Variants in PACRG observed in about 807,000 individuals in gnomAD.
PACRG encodes parkin coregulated gene protein.
PACRG carries 29 observed loss-of-function variants against 29.7 expected under a neutral mutation model. The observed-to-expected ratio is 0.98, with a 90% CI of 0.73 to 1.33. The LOEUF is 1.33. PACRG is among the 40% of genes most tolerant of loss of function. PACRG has a pLI of 0.00. For synonymous variants in PACRG, 116 were observed against 118.7 expected (o/e 0.98, Z 0.15); for missense variants, 279 against 316.2 (o/e 0.88, Z 0.89).
intron 4 of PACRG, among the ~76,000 whole-genome samples, chr6:163,162,579 A>C (rs1409320778): frequency 1.3e-5 from 2 of 152,202 alleles, no homozygotes; most frequent in African/African-American, 4.8e-5. Context: ...AGAGTGGTAA[A>C]TGCTTGCCCA....
chr6:163,093,893 T>C (rs1013943831), intron 4 of PACRG, among the ~76,000 whole-genome samples: 5 of 152,214 alleles, frequency 3.3e-5, no homozygotes, highest in African/African-American at 9.6e-5. Flanking sequence ...GGAATGAGGA[T>C]GCCTGAAGTT....
intron 2 of PACRG, among the ~76,000 whole-genome samples, chr6:162,976,118 A>G (rs1394128363): frequency 1.3e-5 from 2 of 152,176 alleles, no homozygotes; most frequent in African/African-American, 4.8e-5. Flanking sequence ...TGAAACCCGG[A>G]GGCCGTGAGT....
rs1163390026 is a variant in PACRG, at chr6:162,994,820, C to T, written c.292-67330C>T. ...CCTTTGGAGGAGGAGAGGCGCTCTGCGTTTTAGAGTTTCCCGTTTTTCTGT... is the reference window on the plus strand; with the variant it reads ...CCTTTGGAGGAGGAGAGGCGCTCTGTGTTTTAGAGTTTCCCGTTTTTCTGT... On this transcript the variant is annotated intron_variant, in intron 2 of 4. Transcript: ENST00000366888. Among the ~76,000 whole-genome samples the T allele has an allele frequency of 7.9e-5, 12 of 151,248 alleles. No individual in the cohort carries two copies. The East Asian group carries it at 1.4e-3, about 17-fold the overall frequency.
At position 162,782,228 on chromosome 6, in the gene PACRG, T is replaced by C. The variant is rs186670147; in HGVS notation, c.157-31919T>C. ...AAGAAGATGTAACAATTCTAAATAC[T>C]AAGCAGAAACTGACACAATTTCATG... On this transcript the variant is annotated intron_variant, in intron 1 of 4. Transcript: ENST00000366888. Among the ~76,000 whole-genome samples, 531 of 151,996 alleles carry C rather than the reference T, an allele frequency of 3.5e-3. 3 individuals are homozygous for C. The highest frequency in any genetic ancestry group is 0.012 in the African/African-American group (498 of 41,550).
intron 2 of PACRG, among the ~76,000 whole-genome samples, chr6:162,958,868 TATATATATATATATATAGAGAGAG>T (rs1336337526): frequency 1.2e-3 from 89 of 72,710 alleles, no homozygotes; most frequent in South Asian, 6.3e-3. Context: ...TATATATATA[TATATATATATATATATAGAGAGAG>T]AGAGAGAGAG....
chr6:163,032,762 G>A (rs1178412698), intron 2 of PACRG, among the ~76,000 whole-genome samples: 1 of 152,122 alleles, frequency 6.6e-6, no homozygotes, highest in Non-Finnish European at 1.5e-5. Flanking sequence ...ATTGATGTCA[G>A]ACCCAATTCT....
At chr6:163,241,641 A>G (rs981826883) in intron 4 of PACRG, among the ~76,000 whole-genome samples, 3 of 152,188 alleles carry the variant, frequency 2.0e-5, no homozygotes, top group African/African-American at 7.2e-5. Context: ...CAGAGCTGGG[A>G]GCCACTCTAC....
chr6:163,095,239 G>C (rs1034683140), intron 4 of PACRG: 1 of 983,978 alleles, frequency 1.0e-6, no homozygotes, highest in African/African-American at 1.7e-5. Flanking sequence ...CTACATTTGA[G>C]TCTATTTTCA....
At chr6:162,735,191 C>T (rs929007513) in intron 1 of PACRG, among the ~76,000 whole-genome samples, 10 of 152,176 alleles carry the variant, frequency 6.6e-5, no homozygotes, top group African/African-American at 2.4e-4. Context: ...TTACAAATAG[C>T]ACTGCTAGGA....
At chr6:162,780,274 G>C (rs1405357296) in intron 1 of PACRG, among the ~76,000 whole-genome samples, 1 of 152,102 alleles carries the variant, frequency 6.6e-6, no homozygotes, top group African/African-American at 2.4e-5. Flanking sequence ...CACTAAGAGG[G>C]AAAAATGAAC....
At chr6:163,041,812 AGC>A (rs766270008) in intron 2 of PACRG, among the ~76,000 whole-genome samples, 15 of 152,346 alleles carry the variant, frequency 9.8e-5, no homozygotes, top group Non-Finnish European at 1.9e-4. Flanking sequence ...GATTTTAAGT[AGC>A]AAATCAAGCA....
intron 3 of PACRG, among the ~76,000 whole-genome samples, chr6:163,064,017 A>G (rs1016774242): frequency 6.6e-6 from 1 of 152,200 alleles, no homozygotes; most frequent in East Asian, 1.9e-4. Flanking sequence ...AAAGGCCCAG[A>G]ATATTCTCCG....
intron 4 of PACRG, among the ~76,000 whole-genome samples, chr6:163,173,386 C>T (rs1779181539): frequency 6.6e-6 from 1 of 152,154 alleles, no homozygotes; most frequent in Non-Finnish European, 1.5e-5. Flanking sequence ...AACAGTGGCT[C>T]CTTGGGGTAG....
chr6:162,924,325 C>G lies in PACRG; in HGVS notation c.291+110044C>G, dbSNP rs1317422904. On this transcript the variant is annotated intron_variant, in intron 2 of 4. Transcript: ENST00000366888. ...GTTTTTCTATATATAAGATCATGCTCTCTGTAAAGAGGAACATTTTGATTT... is the reference window on the plus strand; with the variant it reads ...GTTTTTCTATATATAAGATCATGCTGTCTGTAAAGAGGAACATTTTGATTT... Among the ~76,000 whole-genome samples, 14 of 151,970 alleles carry G rather than the reference C, an allele frequency of 9.2e-5. 1 individual carries two copies. Among genetic ancestry groups the G allele is most frequent in the Admixed American group, 8.5e-4 (13 of 15,232 alleles).
chr6:163,206,198 A>G (rs952150935), intron 4 of PACRG, among the ~76,000 whole-genome samples: 7 of 152,142 alleles, frequency 4.6e-5, no homozygotes, highest in Non-Finnish European at 5.9e-5. Context: ...TGACCCAGCA[A>G]TCTCCTTATT....
chr6:163,213,661 A>G (rs539367395), intron 4 of PACRG, among the ~76,000 whole-genome samples: 136 of 151,716 alleles, frequency 9.0e-4, no homozygotes, highest in Non-Finnish European at 1.5e-3. Context: ...CCATTTTTCT[A>G]TTGTTTTGGT....
intron 2 of PACRG, among the ~76,000 whole-genome samples, chr6:163,035,825 A>C (rs187972473): frequency 0.028 from 4,163 of 150,806 alleles, 212 homozygotes; most frequent in African/African-American, 0.097. Flanking sequence ...AAAAAAAAAA[A>C]AAAAAAAAAC....
At chr6:163,202,844 T>C (rs558213072) in intron 4 of PACRG, among the ~76,000 whole-genome samples, 1 of 152,288 alleles carries the variant, frequency 6.6e-6, no homozygotes, top group Non-Finnish European at 1.5e-5. Context: ...ATACAGAACA[T>C]TGAAGGAGTG....
chr6:162,892,546 T>C (rs545733148), intron 2 of PACRG, among the ~76,000 whole-genome samples: 1 of 152,214 alleles, frequency 6.6e-6, no homozygotes, highest in African/African-American at 2.4e-5. Flanking sequence ...CCCACGTGGT[T>C]AGTGCACCCC....
Sources: gnomAD v4.1 joint callset for allele counts (sites outside exome capture counted in the v4.1 genomes callset) on GRCh38, gnomAD v4.1.1 for gene constraint, MANE v1.5 for transcripts, NCBI Gene and HGNC (gene_info 2026-07-23, HGNC 2026-07-21) for gene names.